SETX: variants seen among roughly 807,000 people sequenced by gnomAD.
SETX encodes helicase senataxin.
SETX carries 90 observed loss-of-function variants against 227.2 expected under a neutral mutation model. The ratio of observed to expected loss-of-function variants is 0.40; its 90% CI spans 0.33 to 0.47. SETX has a LOEUF of 0.47. Ranked by LOEUF, SETX falls within the 20% of genes least tolerant of loss-of-function variation. The pLI is 0.91. For synonymous variants in SETX, 1,210 were observed against 1,113.2 expected (o/e 1.09, Z -1.73); for missense variants, 3,052 against 3,181.5 (o/e 0.96, Z 0.98).
chr9:132,269,841 C>T, intron 24 of SETX, 139 bp from the exon 25 acceptor site: 1 of 820,914 alleles, frequency 1.2e-6, no homozygotes, highest in Non-Finnish European at 2.1e-6. Flanking sequence ...GAGCCCGAGA[C>T]ACAGGTGGAC....
At position 132,261,939 on chromosome 9, in the gene SETX, T is replaced by C. The variant is rs928632971; in HGVS notation, c.*2300A>G. The C allele has an allele frequency of 1.9e-5, 3 of 154,434 alleles. No homozygotes were observed. Among genetic ancestry groups the C allele is most frequent in the Non-Finnish European group, 2.9e-5 (2 of 68,220 alleles). The allele number at this position is 154,434 out of a possible 1,614,324, so 9.6% of individuals were successfully genotyped here. A position where few individuals can be genotyped will look rare whatever the true frequency, so the allele number is the denominator to read the frequency against. ...AAAGAATAGCCCTGTTCAACAACGC[T>C]GCGCTGACAGCCACATCAGGAGGGG... On this transcript the variant is annotated 3_prime_UTR_variant, in exon 26 of 26. Transcript: ENST00000224140.
chr9:132,280,684 T>C (rs1425188066), intron 20 of SETX, among the ~76,000 whole-genome samples: 1 of 152,246 alleles, frequency 6.6e-6, no homozygotes, highest in Non-Finnish European at 1.5e-5. Flanking sequence ...GGATTATTTA[T>C]GAAGCCACTG....
intron 25 of SETX, chr9:132,266,358 G>C (rs79512941): frequency 6.6e-6 from 1 of 152,152 alleles, no homozygotes; most frequent in African/African-American, 2.4e-5. Flanking sequence ...CCTATCCTTG[G>C]AAATTACATG....
rs550785927 is a variant in SETX, at chr9:132,326,224, G to A, written c.5274+100C>T. On this transcript the variant is annotated intron_variant, in intron 10 of 25. Transcript: ENST00000224140. ...TGGGATTACAGGTGCCCGCAACCAC[G>A]CCTGGCTGATTTTTTGAACTATACT... 1,571 of 943,710 alleles carry A rather than the reference G, an allele frequency of 1.7e-3. 2 individuals carry two copies. Among genetic ancestry groups the A allele is most frequent in the Non-Finnish European group, 2.4e-3 (1,459 of 609,168 alleles). The allele number at this position is 943,710 out of a possible 1,614,324, so 58.5% of individuals were successfully genotyped here.
rs183615759 is a variant in SETX, at chr9:132,305,182, G to A, written c.5375-4379C>T. On this transcript the variant is annotated intron_variant, in intron 11 of 25. Coordinates refer to ENST00000224140, the MANE Select transcript of SETX (RefSeq NM_015046.7). ...ATCCTGGCTAACATGGTGAAACCCC[G>A]CCATTACTGAAAATACAAAAAATTA... 3.3e-3 allele frequency among the ~76,000 whole-genome samples: 492 copies of A among 151,036 alleles called. 3 individuals carry two copies. Among genetic ancestry groups the A allele is most frequent in the African/African-American group, 0.011 (464 of 41,152 alleles).
In SETX at chr9:132,326,772, C is replaced by T. The variant is rs1291344333; in HGVS notation, c.4826G>A (p.Gly1609Asp). ...AGAAGTTTCCAAAGATTTAGAAAGACCAGCAATTCGTGAAGTACTCTTTGA... is the reference window on the plus strand; with the variant it reads ...AGAAGTTTCCAAAGATTTAGAAAGATCAGCAATTCGTGAAGTACTCTTTGA... ...FSSKSTSRIAGLSKSLETSSA... is the reference protein window; with the variant it reads ...FSSKSTSRIADLSKSLETSSA... The change falls in exon 10 of 26, where the codon GGT becomes GAT. Residue 1609 changes from glycine to aspartate, a missense_variant. By Grantham distance (94) the Gly-to-Asp change is moderately conservative (BLOSUM62 -1). Around this residue, in one of 10 missense-constraint regions of SETX, gnomAD observed 1,483 missense variants for 1,312.0 expected, o/e 1.13. Coordinates refer to ENST00000224140, the MANE Select transcript of SETX (RefSeq NM_015046.7). The T allele has an allele frequency of 1.2e-6, 2 of 1,614,152 alleles. No individual in the cohort carries two copies. Among genetic ancestry groups the T allele is most frequent in the Non-Finnish European group, 1.7e-6 (2 of 1,180,026 alleles).
In SETX at chr9:132,277,062, A is replaced by G. The variant is rs747289017; in HGVS notation, c.6933T>C (p.Asn2311=). 6 of 1,612,936 alleles carry G rather than the reference A, an allele frequency of 3.7e-6. No homozygotes were observed. Among genetic ancestry groups the G allele is most frequent in the Admixed American group, 1.7e-5 (1 of 59,982 alleles). ...DVGDGSERRD[N]DSYINVQEIK... ...ACTGAGGCAAGAGGAAAACATACTC[A>G]TTATCCCGTCTTTCTGAACCATCTC... is the stretch of plus-strand genomic sequence containing the variant. Residue 2311 remains asparagine (N), a splice_region_variant and synonymous_variant, in exon 22 of 26, where the codon AAT becomes AAC. Coordinates refer to ENST00000224140, the MANE Select transcript of SETX (RefSeq NM_015046.7).
intron 12 of SETX, among the ~76,000 whole-genome samples, chr9:132,300,155 A>G (rs960335217): frequency 4.8e-5 from 7 of 146,862 alleles, no homozygotes; most frequent in African/African-American, 1.8e-4. Context: ...AAAAAAAAAA[A>G]GGGACAAGTC....
chr9:132,295,523 T>C (rs1044014972), intron 15 of SETX, among the ~76,000 whole-genome samples: 2 of 152,216 alleles, frequency 1.3e-5, no homozygotes, highest in Non-Finnish European at 1.5e-5. Context: ...GGCTAACTCC[T>C]AACTGCCCTT....
intron 16 of SETX, 46 bp from the exon 17 acceptor site, chr9:132,288,397 A>T: frequency 1.4e-6 from 2 of 1,471,810 alleles, no homozygotes; most frequent in Non-Finnish European, 1.9e-6. Context: ...TCTAATTCTA[A>T]CAAACTCACA....
At chr9:132,333,103 G>A (rs1323322038) in intron 7 of SETX, among the ~76,000 whole-genome samples, 1 of 151,210 alleles carries the variant, frequency 6.6e-6, no homozygotes, top group Non-Finnish European at 1.5e-5. Flanking sequence ...CAAAGGCCGG[G>A]CGTGGTGGCT....
At chr9:132,281,798 G>A (rs896974424) in intron 19 of SETX, among the ~76,000 whole-genome samples, 4 of 152,046 alleles carry the variant, frequency 2.6e-5, no homozygotes, top group Non-Finnish European at 5.9e-5. Context: ...CAGCACTTTG[G>A]GAGGCCGAGG....
rs754614218 is a variant in SETX, at chr9:132,330,284, A to G, written c.1314T>C (p.Ser438=). ...TTTGGTTGAGGACTTCTTTGACTTC[A>G]GAGTACAGATGATTAACAACCTGTG... ...YIAQVVNHLY[S]EVKEVLNQTD... The change falls in exon 10 of 26, where the codon TCT becomes TCC. Residue 438 remains serine (S), a synonymous_variant. Coordinates refer to ENST00000224140, the MANE Select transcript of SETX (RefSeq NM_015046.7). The G allele has an allele frequency of 1.9e-6, 3 of 1,593,628 alleles. No individual in the cohort carries two copies. The highest frequency in any genetic ancestry group is 2.6e-6 in the Non-Finnish European group (3 of 1,168,124).
At chr9:132,339,049 G>A (rs1032891960) in intron 5 of SETX, among the ~76,000 whole-genome samples, 8 of 152,292 alleles carry the variant, frequency 5.3e-5, no homozygotes, top group Non-Finnish European at 1.2e-4. Flanking sequence ...GAGCATGAGC[G>A]ACCATGCCCA....
Position 132,295,943 on chromosome 9 carries a change from G to C in SETX, c.6035C>G (p.Ala2012Gly), listed in dbSNP as rs958708411. The part of the protein sequence containing the change: ...RVLVCAPSNA[A>G]VDELMKKIIL... ...AATTTTTTTCATGAGTTCATCAACA[G>C]CTGCATTGGAAGGTGCACACACGAG... is the stretch of plus-strand genomic sequence containing the variant. Residue 2012 changes from alanine to glycine, a missense_variant, in exon 15 of 26, where the codon GCT becomes GGT. This residue lies in a region of SETX where 412 missense variants were observed against 589.0 expected (regional missense o/e 0.70). Transcript: ENST00000224140. The C allele has an allele frequency of 6.8e-6, 11 of 1,613,946 alleles. No homozygotes were observed. Among genetic ancestry groups the C allele is most frequent in the Non-Finnish European group, 9.3e-6 (11 of 1,180,002 alleles).
intron 5 of SETX, among the ~76,000 whole-genome samples, chr9:132,342,157 T>A (rs747165359): frequency 2.6e-5 from 4 of 152,202 alleles, no homozygotes; most frequent in Non-Finnish European, 4.4e-5. Flanking sequence ...AAGCACAGAC[T>A]GTCTTACCAC....
At chr9:132,356,200 TC>T (rs542436233), upstream of SETX, among the ~76,000 whole-genome samples, 2 of 151,380 alleles carry the variant, frequency 1.3e-5, no homozygotes, top group African/African-American at 4.9e-5. Flanking sequence ...GGAAAGCCTA[TC>T]CCCCCCCTTT....
intron 17 of SETX, among the ~76,000 whole-genome samples, chr9:132,286,906 T>C (rs1843934928): frequency 1.3e-5 from 2 of 152,174 alleles, no homozygotes; most frequent in African/African-American, 2.4e-5. Context: ...AACTGCTTCT[T>C]TGGATATATG....
chr9:132,268,374 G>A (rs1842744149), intron 25 of SETX, among the ~76,000 whole-genome samples: 1 of 152,186 alleles, frequency 6.6e-6, no homozygotes, highest in African/African-American at 2.4e-5. Flanking sequence ...AGGTACATGC[G>A]CCTATAGTCT....
Sources: allele counts gnomAD v4.1 joint callset (sites outside exome capture counted in the v4.1 genomes callset), GRCh38; gene constraint gnomAD v4.1.1; regional missense constraint gnomAD v4.1.1; transcripts MANE v1.5; gene names NCBI Gene and HGNC (gene_info 2026-07-23, HGNC 2026-07-21).